Variants in STXBP5L observed in about 807,000 individuals in gnomAD.
STXBP5L encodes the protein syntaxin binding protein 5L.
STXBP5L carries 65 observed loss-of-function variants against 144.5 expected under a neutral mutation model. The observed-to-expected ratio is 0.45, with a 90% confidence interval of 0.37 to 0.55. The LOEUF (loss-of-function observed/expected upper bound fraction) is 0.55, where lower values mean the gene tolerates loss of function less well. Among genes scored for constraint, STXBP5L ranks in the 20% least tolerant of loss-of-function variants. STXBP5L has a pLI of 0.00. For synonymous variants in STXBP5L, 505 were observed against 469.6 expected (o/e 1.08, Z -0.97); for missense variants, 1,298 against 1,405.5 (o/e 0.92, Z 1.22).
chr3:120,909,991 A>G (rs1358570718), intron 2 of STXBP5L, among the ~76,000 whole-genome samples: 1 of 152,212 alleles, frequency 6.6e-6, no homozygotes. Flanking sequence ...CAAAAAGTAG[A>G]ATTTGCAAGA....
At chr3:121,259,383 G>A (rs1469870117) in intron 18 of STXBP5L, among the ~76,000 whole-genome samples, 1 of 152,006 alleles carries the variant, frequency 6.6e-6, no homozygotes, top group Non-Finnish European at 1.5e-5. Context: ...TTTGATGTTA[G>A]TAGGAGATTG....
chr3:121,243,825 T>G (rs1299388552), intron 14 of STXBP5L, among the ~76,000 whole-genome samples: 4 of 152,242 alleles, frequency 2.6e-5, no homozygotes, highest in African/African-American at 9.6e-5. Context: ...ATAGCATTCC[T>G]ACGTGTGAAG....
chr3:121,001,856 T>C (rs1052304502), intron 3 of STXBP5L, among the ~76,000 whole-genome samples: 8 of 152,202 alleles, frequency 5.3e-5, no homozygotes, highest in African/African-American at 1.9e-4. Context: ...GAGAAGCTCT[T>C]CCTAGCTGTG....
chr3:121,003,110 A>G (rs1350391098), intron 3 of STXBP5L, among the ~76,000 whole-genome samples: 2 of 152,170 alleles, frequency 1.3e-5, no homozygotes, highest in African/African-American at 4.8e-5. Flanking sequence ...TTCTAGTTCT[A>G]GATCCCCGAG....
intron 2 of STXBP5L, among the ~76,000 whole-genome samples, chr3:120,916,058 G>T (rs1709084916): frequency 6.6e-6 from 1 of 152,028 alleles, no homozygotes; most frequent in Non-Finnish European, 1.5e-5. Flanking sequence ...ATGAAATAAT[G>T]CTTTCTGGGA....
chr3:120,971,662 CAT>C (rs1228363687), intron 3 of STXBP5L, among the ~76,000 whole-genome samples: 5 of 147,652 alleles, frequency 3.4e-5, no homozygotes, highest in South Asian at 4.2e-4. Flanking sequence ...CACACACACA[CAT>C]ATACATTCAT....
At chr3:121,272,191 A>G (rs556462089) in intron 18 of STXBP5L, among the ~76,000 whole-genome samples, 100 of 152,304 alleles carry the variant, frequency 6.6e-4, no homozygotes, top group African/African-American at 2.3e-3. Flanking sequence ...TTTTTTGTCT[A>G]GATAATGTAT....
At chr3:120,937,960 A>C (rs1178924726) in intron 2 of STXBP5L, among the ~76,000 whole-genome samples, 1 of 152,136 alleles carries the variant, frequency 6.6e-6, no homozygotes, top group Admixed American at 6.5e-5. Flanking sequence ...AAAATTGAGA[A>C]GTGTTTAGTG....
intron 5 of STXBP5L, among the ~76,000 whole-genome samples, chr3:121,101,307 C>T (rs1461134543): frequency 6.6e-6 from 1 of 152,018 alleles, no homozygotes; most frequent in East Asian, 1.9e-4. Flanking sequence ...CAATACAGGC[C>T]AATATCCCCA....
intron 20 of STXBP5L, among the ~76,000 whole-genome samples, chr3:121,354,591 G>A (rs934350099): frequency 2.5e-5 from 3 of 119,212 alleles, no homozygotes; most frequent in Non-Finnish European, 3.3e-5. Context: ...GTGTGTCTTT[G>A]CATGTGAGAT....
rs181923211 is a variant in STXBP5L, at chr3:121,200,293, A to T, written c.878-5630A>T. The stretch of plus-strand genomic sequence containing the variant: ...ATAGAGGTGCTAATAGTATTCTCTG[A>T]TGGTAGTTTGTATTTCTATGTGATC... On this transcript the variant is annotated intron_variant, in intron 9 of 26. Coordinates refer to ENST00000471454, the MANE Select transcript of STXBP5L (RefSeq NM_001308330.2). Among the ~76,000 whole-genome samples the T allele has an allele frequency of 4.8e-3, 725 of 152,204 alleles. 6 individuals carry two copies. Among genetic ancestry groups the T allele is most frequent in the African/African-American group, 0.016 (683 of 41,530 alleles).
At chr3:121,153,334 G>A (rs1244758116) in intron 8 of STXBP5L, among the ~76,000 whole-genome samples, 7 of 152,034 alleles carry the variant, frequency 4.6e-5, no homozygotes, top group African/African-American at 1.7e-4. Context: ...TTTTGTACCT[G>A]TGGAAACAAA....
chr3:121,004,467 T>G (rs1254791012), intron 3 of STXBP5L, among the ~76,000 whole-genome samples: 2 of 151,816 alleles, frequency 1.3e-5, no homozygotes, highest in East Asian at 1.9e-4. Flanking sequence ...CAATGGGGTT[T>G]TCTAGATATA....
chr3:121,310,978 C>T (rs954350440), intron 19 of STXBP5L, among the ~76,000 whole-genome samples: 3 of 152,044 alleles, frequency 2.0e-5, no homozygotes, highest in Non-Finnish European at 4.4e-5. Context: ...TTCACAATGC[C>T]TATTTTTGAC....
At position 121,044,513 on chromosome 3, in the gene STXBP5L, T is replaced by C. The variant is rs1947375969; in HGVS notation, c.370-922T>C. 2.0e-5 allele frequency among the ~76,000 whole-genome samples: 3 copies of C among 152,128 alleles called. No homozygotes were observed. In the South Asian group the frequency reaches 6.2e-4, roughly 31 times the overall value. On this transcript the variant is annotated intron_variant, in intron 4 of 26. Coordinates refer to ENST00000471454, the MANE Select transcript of STXBP5L (RefSeq NM_001308330.2). ...TTCTAACAAAGTACTTTGGAAAATA[T>C]AAAAAGCCTTTTAGGTATCTCTGGA...
In STXBP5L at chr3:121,423,907, C is replaced by T. The variant is rs1330753832; in HGVS notation, c.*4810C>T. On this transcript the variant is annotated 3_prime_UTR_variant, in exon 27 of 27. Coordinates refer to ENST00000471454, the MANE Select transcript of STXBP5L (RefSeq NM_001308330.2). ...CAGTGCTCCATCAACTCTTAATAATCATCTTTGTGATATTCTCCTATGTGA... is the reference window on the plus strand; with the variant it reads ...CAGTGCTCCATCAACTCTTAATAATTATCTTTGTGATATTCTCCTATGTGA... 1 of 152,210 alleles carries T rather than the reference C, an allele frequency of 6.6e-6. No homozygotes were observed. The highest frequency in any genetic ancestry group is 6.5e-5 in the Admixed American group (1 of 15,276). The allele number at this position is 152,210 out of a possible 1,614,324, so 9.4% of individuals were successfully genotyped here.
intron 9 of STXBP5L, among the ~76,000 whole-genome samples, chr3:121,182,636 G>T (rs558654320): frequency 5.5e-4 from 84 of 152,172 alleles, no homozygotes; most frequent in Middle Eastern, 3.4e-3. Flanking sequence ...CAGAAGAAAA[G>T]AAGTAACAAA....
At chr3:120,995,985 T>C (rs1943317543) in intron 3 of STXBP5L, among the ~76,000 whole-genome samples, 1 of 152,164 alleles carries the variant, frequency 6.6e-6, no homozygotes, top group African/African-American at 2.4e-5. Context: ...TGAGAATGTC[T>C]TTATTTCACT....
At chr3:121,363,569 TCTCC>T (rs1234646426) in intron 20 of STXBP5L, among the ~76,000 whole-genome samples, 2 of 152,010 alleles carry the variant, frequency 1.3e-5, no homozygotes, top group African/African-American at 4.8e-5. Flanking sequence ...ATTGCTGTTT[TCTCC>T]CTCCCTCCCT....
Sources: allele counts gnomAD v4.1 joint callset (sites outside exome capture counted in the v4.1 genomes callset), GRCh38; gene constraint gnomAD v4.1.1; transcripts MANE v1.5; gene names NCBI Gene and HGNC (gene_info 2026-07-23, HGNC 2026-07-21).